Variants in TANC2 observed in about 807,000 individuals in gnomAD.
TANC2 encodes the protein protein TANC2.
In TANC2, 26 loss-of-function variants were observed where a neutral mutation model predicts 210.5. The ratio of observed to expected loss-of-function variants is 0.12; its 90% confidence interval spans 0.09 to 0.17. The LOEUF is 0.17. Ranked by LOEUF, TANC2 falls within the 10% of genes least tolerant of loss-of-function variation. TANC2 has a pLI of 1.00. For synonymous variants in TANC2, 931 were observed against 967.1 expected, an observed-to-expected ratio of 0.96 and a Z score of 0.69; for missense variants, 2,129 against 2,608.9, an observed-to-expected ratio of 0.82 and a Z score of 4.01.
intron 3 of TANC2, among the ~76,000 whole-genome samples, chr17:63,087,367 G>A (rs2037010413): frequency 6.6e-6 from 1 of 152,092 alleles, no homozygotes; most frequent in Non-Finnish European, 1.5e-5. Flanking sequence ...CTTGTCTTTT[G>A]GTGAGCCTGT....
chr17:63,147,730 A>C (rs971085517), intron 4 of TANC2, among the ~76,000 whole-genome samples: 1 of 152,194 alleles, frequency 6.6e-6, no homozygotes, highest in Non-Finnish European at 1.5e-5. Flanking sequence ...TCTGTACCAC[A>C]TATTTATTGT....
At chr17:63,052,322 A>G (rs949098190) in intron 2 of TANC2, among the ~76,000 whole-genome samples, 1 of 152,194 alleles carries the variant, frequency 6.6e-6, no homozygotes, top group African/African-American at 2.4e-5. Flanking sequence ...ATAAATTGTA[A>G]TAGTTCAAAG....
At chr17:63,358,684 G>A (rs1479309969) in intron 14 of TANC2, among the ~76,000 whole-genome samples, 1 of 152,086 alleles carries the variant, frequency 6.6e-6, no homozygotes, top group Non-Finnish European at 1.5e-5. Flanking sequence ...TAAAGAGATG[G>A]AAAACCTATT....
chr17:63,190,730 C>G (rs1567800966), intron 5 of TANC2, among the ~76,000 whole-genome samples: 1 of 151,890 alleles, frequency 6.6e-6, no homozygotes, highest in Non-Finnish European at 1.5e-5. Context: ...AATGCACCCT[C>G]CCCCCTGCAA....
At chr17:63,211,219 A>G (rs2041875465) in intron 7 of TANC2, among the ~76,000 whole-genome samples, 1 of 152,194 alleles carries the variant, frequency 6.6e-6, no homozygotes, top group Admixed American at 6.5e-5. Context: ...ACTTCTTGAA[A>G]ACAAAGTCTG....
At chr17:62,989,195 A>G (rs1183449151) in intron 1 of TANC2, among the ~76,000 whole-genome samples, 1 of 152,174 alleles carries the variant, frequency 6.6e-6, no homozygotes, top group East Asian at 1.9e-4. Flanking sequence ...ACCTTTTAAA[A>G]AATTATCTGC....
chr17:63,401,436 C>A (rs140351524), intron 19 of TANC2, among the ~76,000 whole-genome samples: 1 of 152,214 alleles, frequency 6.6e-6, no homozygotes, highest in Non-Finnish European at 1.5e-5. Flanking sequence ...TATACTGACA[C>A]AATTCTTTAT....
rs187404377 is a variant in TANC2, at chr17:63,033,642, A to C, written c.67+24016A>C. Among the ~76,000 whole-genome samples the C allele has an allele frequency of 2.0e-5, 3 of 152,246 alleles. No homozygotes were observed. In the East Asian group the frequency reaches 5.8e-4, roughly 29 times the overall value. The stretch of plus-strand genomic sequence containing the variant: ...ATAACTAAACTTACATTCAAGGACA[A>C]CACCATGTTTATAAAGGAAGTTTCT... On this transcript the variant is annotated intron_variant, in intron 2 of 27. Transcript: ENST00000689528.
At chr17:63,123,777 ACTGCAACCTCT>A (rs1169335659) in intron 4 of TANC2, among the ~76,000 whole-genome samples, 1 of 111,314 alleles carries the variant, frequency 9.0e-6, no homozygotes, top group Non-Finnish European at 1.7e-5. Flanking sequence ...ACCTCTGCTC[ACTGCAACCTCT>A]GCCTCCTGAG....
intron 22 of TANC2, 39 bp from the exon 23 acceptor site, chr17:63,411,959 T>TA: frequency 6.2e-7 from 1 of 1,611,638 alleles, no homozygotes; most frequent in Middle Eastern, 1.7e-4. Flanking sequence ...GCTGAGCCAT[T>TA]ACGCCTGTCC....
chr17:63,397,942 A>T (rs1174482726), intron 18 of TANC2, among the ~76,000 whole-genome samples: 2 of 152,210 alleles, frequency 1.3e-5, no homozygotes, highest in Non-Finnish European at 2.9e-5. Flanking sequence ...CAAAACAGCT[A>T]CCATATCAAT....
intron 8 of TANC2, among the ~76,000 whole-genome samples, chr17:63,251,980 C>A (rs546113136): frequency 6.6e-6 from 1 of 152,164 alleles, no homozygotes; most frequent in South Asian, 2.1e-4. Flanking sequence ...TTGTTAAAAC[C>A]ACACTAAACA....
At chr17:63,275,369 C>T (rs1203043488) in intron 9 of TANC2, among the ~76,000 whole-genome samples, 2 of 152,110 alleles carry the variant, frequency 1.3e-5, no homozygotes, top group African/African-American at 4.8e-5. Flanking sequence ...GATTCATTGG[C>T]AGAATTTATG....
intron 14 of TANC2, among the ~76,000 whole-genome samples, chr17:63,361,181 G>A (rs904494605): frequency 2.0e-5 from 3 of 152,266 alleles, no homozygotes; most frequent in African/African-American, 4.8e-5. Flanking sequence ...TTGCTGGATC[G>A]TATGGTAGTG....
Position 63,421,275 on chromosome 17 carries a change from C to T in TANC2, c.5545C>T (p.His1849Tyr), listed in dbSNP as rs575680050. The change falls in exon 28 of 28, where the codon CAC becomes TAC. Residue 1849 changes from histidine (H) to tyrosine (Y), a missense_variant. Transcript: ENST00000689528. The surrounding 1 kb of genome is among the most constrained non-coding windows in gnomAD (Gnocchi z 6.9). ...TGTCAACCCTAACGAAATCAAACCG[C>T]ACCCGCCAACTCCCAGGCCGTTGCT... 6 of 1,614,044 alleles carry T rather than the reference C, an allele frequency of 3.7e-6. No homozygotes were observed. In the South Asian group the frequency reaches 6.6e-5, roughly 18 times the overall value.
chr17:63,043,671 A>G (rs2035275027), intron 2 of TANC2, among the ~76,000 whole-genome samples: 1 of 152,162 alleles, frequency 6.6e-6, no homozygotes, highest in Non-Finnish European at 1.5e-5. Context: ...CATTATATGT[A>G]TATTCTGGCA....
At chr17:63,034,025 C>T (rs2034877266) in intron 2 of TANC2, among the ~76,000 whole-genome samples, 2 of 152,268 alleles carry the variant, frequency 1.3e-5, no homozygotes, top group African/African-American at 4.8e-5. Context: ...TCTCTTCCCC[C>T]GTCCTTCACC....
At chr17:63,188,792 C>T (rs2041085350) in intron 5 of TANC2, among the ~76,000 whole-genome samples, 2 of 151,988 alleles carry the variant, frequency 1.3e-5, no homozygotes, top group African/African-American at 4.8e-5. Context: ...ATGTAATTCA[C>T]ATACCAAAAA....
rs2048989943 is a variant in TANC2 at position 63,420,414 on chromosome 17, A to G, written c.4684A>G (p.Thr1562Ala). The stretch of plus-strand genomic sequence containing the variant: ...GTCCAGTAGTTCTGTAGGCTCTCCC[A>G]CTAGACAGACCTATCAGTCCACCTC... The change falls in exon 28 of 28, where the codon ACT becomes GCT. Residue 1562 changes from threonine to alanine, a missense_variant. Physicochemically the swap from Thr to Ala is moderately conservative, Grantham distance 58 (BLOSUM62 0). Coordinates refer to ENST00000689528, the Ensembl canonical transcript of TANC2. The surrounding 1 kb of genome is among the most constrained non-coding windows in gnomAD (Gnocchi z 4.2). 4 of 1,613,848 alleles carry G rather than the reference A, an allele frequency of 2.5e-6. No homozygotes were observed. The highest frequency in any genetic ancestry group is 2.5e-6 in the Non-Finnish European group (3 of 1,179,866).
Sources: gnomAD v4.1 joint callset for allele counts (sites outside exome capture counted in the v4.1 genomes callset) on GRCh38, gnomAD v4.1.1 for gene constraint, Gnocchi (gnomAD v3.1) non-coding constraint, MANE v1.5 for transcripts, NCBI Gene and HGNC (gene_info 2026-07-23, HGNC 2026-07-21) for gene names.